The following OR4F15 variants were observed in gnomAD, a reference collection of about 807,000 sequenced individuals.
OR4F15 encodes olfactory receptor 4F15.
In OR4F15, 7 loss-of-function variants were observed where a neutral mutation model predicts 11.9. The ratio of observed to expected loss-of-function variants is 0.59; its 90% CI spans 0.33 to 1.10. OR4F15 has a LOEUF of 1.10. OR4F15 is among the 50% of genes least tolerant of loss of function. The probability of loss-of-function intolerance (pLI) is 0.03; values close to 1 mark genes in which losing one functional copy is unlikely to be tolerated. For missense variants in OR4F15, 445 were observed against 377.5 expected (o/e 1.18, Z -1.48); for synonymous variants, 151 against 134.6 (o/e 1.12, Z -0.84).
Position 101,818,248 on chromosome 15 carries a change from G to A in OR4F15, c.62G>A (p.Arg21Gln), listed in dbSNP as rs142759394. 4.0e-3 allele frequency: 6,382 copies of A among 1,613,838 alleles called. 29 individuals are homozygous for A. The highest frequency in any genetic ancestry group is 0.029 in the Middle Eastern group (177 of 6,054). ...GTATTCATGGGACTCACCAACTCAC[G>A]GGAGATTCAGCTTCTACTTTTTGTT... ...EFVFMGLTNS[R>Q]EIQLLLFVFS... is the part of the protein sequence containing the mutation. The change falls in exon 2 of 2, where the codon CGG becomes CAG. Residue 21 changes from arginine (R) to glutamine (Q), a missense_variant. By Grantham distance (43) the Arg-to-Gln change is conservative. Transcript: ENST00000332238.
rs1903025466 is a variant in OR4F15, at chr15:101,818,211, G to T, written c.25G>T (p.Val9Leu). The change falls in exon 2 of 2, where the codon GTA becomes TTA. Residue 9 changes from valine (V) to leucine (L), a missense_variant. Physicochemically the swap from Val to Leu is conservative, Grantham distance 32. Transcript: ENST00000332238. ...AATGAATGGAATGAATCACTCTGTG[G>T]TATCAGAATTTGTATTCATGGGACT... MNGMNHSV[V>L]SEFVFMGLTN... is the part of the protein sequence containing the mutation. 6.2e-7 allele frequency: 1 copy of T among 1,611,708 alleles called. No homozygotes were observed. The highest frequency in any genetic ancestry group is 1.3e-5 in the African/African-American group (1 of 74,944).
Position 101,818,616 on chromosome 15 carries a change from T to A in OR4F15, c.430T>A (p.Phe144Ile). The A allele has an allele frequency of 6.2e-7, 1 of 1,614,140 alleles. No homozygotes were observed. The highest frequency in any genetic ancestry group is 8.5e-7 in the Non-Finnish European group (1 of 1,179,990). ...TIMSPRMCLY[F>I]LATSSIIGLI... Reference sequence around the variant, plus strand: ...CATGAGCCCAAGAATGTGTCTATACTTTTTAGCCACTTCCTCTATCATTGG... The same window carrying A: ...CATGAGCCCAAGAATGTGTCTATACATTTTAGCCACTTCCTCTATCATTGG... The change falls in exon 2 of 2, where the codon TTT (phenylalanine) becomes ATT (isoleucine). Residue 144 changes from phenylalanine to isoleucine, a missense_variant. Physicochemically the swap from Phe to Ile is conservative, Grantham distance 21. Coordinates refer to ENST00000332238, the MANE Select transcript of OR4F15 (RefSeq NM_001001674.2).
rs1187820530 is a variant in OR4F15 at position 101,818,579 on chromosome 15, C to G, written c.393C>G (p.His131Gln). Residue 131 changes from histidine (H) to glutamine (Q), a missense_variant, in exon 2 of 2, where the codon CAC (histidine) becomes CAG (glutamine). Physicochemically the swap from His to Gln is conservative, Grantham distance 24. Coordinates refer to ENST00000332238, the MANE Select transcript of OR4F15 (RefSeq NM_001001674.2). The part of the protein sequence containing the change: ...DRYMAICKPL[H>Q]YLTIMSPRMC... ...ACATGGCCATATGTAAACCTCTCCA[C>G]TACCTGACCATCATGAGCCCAAGAA... The G allele has an allele frequency of 6.2e-6, 10 of 1,614,216 alleles. No individual in the cohort carries two copies. Among genetic ancestry groups the G allele is most frequent in the Non-Finnish European group, 6.8e-6 (8 of 1,180,036 alleles).
chr15:101,815,342 A>G (rs746713022), intron 1 of OR4F15, among the ~76,000 whole-genome samples: 3 of 152,156 alleles, frequency 2.0e-5, no homozygotes, highest in Non-Finnish European at 4.4e-5. Context: ...TCTCCCCAGC[A>G]TTGTTTTTGA....
rs1289724133 is a variant in OR4F15, at chr15:101,818,273, T to C, written c.87T>C (p.Val29=). Residue 29 remains valine (V), a synonymous_variant, in exon 2 of 2, where the codon GTT becomes GTC. Transcript: ENST00000332238. ...GGGAGATTCAGCTTCTACTTTTTGT[T>C]TTCTCTTTGTTGTTCTACTTTGCGA... The part of the protein sequence containing the change: ...NSREIQLLLF[V]FSLLFYFASM... 1 of 1,613,982 alleles carries C rather than the reference T, an allele frequency of 6.2e-7. No homozygotes were observed.
chr15:101,815,780 G>A (rs1041194124), intron 1 of OR4F15, among the ~76,000 whole-genome samples: 3 of 152,030 alleles, frequency 2.0e-5, no homozygotes, highest in Non-Finnish European at 4.4e-5. Context: ...AAAATCATTC[G>A]GAGAACCACT....
chr15:101,814,596 C>T (rs1902958765), intron 1 of OR4F15, among the ~76,000 whole-genome samples: 1 of 152,174 alleles, frequency 6.6e-6, no homozygotes, highest in Admixed American at 6.6e-5. Flanking sequence ...TGCACATCTA[C>T]ACAAACTCCT....
In OR4F15 at chr15:101,813,508, CAAAA is replaced by C. The variant is rs11311342; in HGVS notation, c.-38+1251_-38+1254del. The stretch of plus-strand genomic sequence containing the variant: ...TGGGTGACAGAGTGAGAATCTGTCT[CAAAA>C]AAAAAAAAAAAAAATGCATGATACC... On this transcript the variant is annotated intron_variant, in intron 1 of 1. Coordinates refer to ENST00000332238, the MANE Select transcript of OR4F15 (RefSeq NM_001001674.2). Among the ~76,000 whole-genome samples the C allele has an allele frequency of 4.5e-3, 485 of 107,326 alleles. 1 individual carries two copies. Among genetic ancestry groups the C allele is most frequent in the African/African-American group, 0.017 (470 of 28,234 alleles). 70.4% of individuals were successfully genotyped at this position (107,326 alleles called of 152,430 possible). A position where few individuals can be genotyped will look rare whatever the true frequency, so the allele number is the denominator to read the frequency against.
chr15:101,816,487 CGTGTGTGTGTGT>C (rs35269954), intron 1 of OR4F15, among the ~76,000 whole-genome samples: 1 of 148,834 alleles, frequency 6.7e-6, no homozygotes, highest in Non-Finnish European at 1.5e-5. Context: ...AAGAATATAA[CGTGTGTGTGTGT>C]GTGTGTGTGT....
In OR4F15 at chr15:101,818,700, A is replaced by G; in HGVS notation, c.514A>G (p.Asn172Asp). 1 of 1,614,064 alleles carries G rather than the reference A, an allele frequency of 6.2e-7. No individual in the cohort carries two copies. Among genetic ancestry groups the G allele is most frequent in the Admixed American group, 1.7e-5 (1 of 60,000 alleles). Residue 172 changes from asparagine (N) to aspartate (D), a missense_variant, in exon 2 of 2, where the codon AAT (asparagine) becomes GAT (aspartate). By Grantham distance (23) the Asn-to-Asp change is conservative. Transcript: ENST00000332238. The part of the protein sequence containing the change: ...FVVDLPFCGP[N>D]IFDSFYCDLP... ...GGTAGATTTACCTTTTTGTGGTCCT[A>G]ATATCTTTGACAGTTTTTACTGTGA...
At position 101,819,992 on chromosome 15, in the gene OR4F15, C is replaced by T. The variant is rs1027900142; in HGVS notation, c.*867C>T. On this transcript the variant is annotated 3_prime_UTR_variant, in exon 2 of 2. Coordinates refer to ENST00000332238, the MANE Select transcript of OR4F15 (RefSeq NM_001001674.2). Reference sequence around the variant, plus strand: ...AGTTAGAGTGGATTACCAACACCATCTGTTCCAATCCCCTCAAATTACACG... The same window carrying T: ...AGTTAGAGTGGATTACCAACACCATTTGTTCCAATCCCCTCAAATTACACG... The T allele has an allele frequency of 6.6e-6, 1 of 152,216 alleles. No homozygotes were observed. The highest frequency in any genetic ancestry group is 1.5e-5 in the Non-Finnish European group (1 of 68,038). 9.4% of individuals were successfully genotyped at this position (152,216 alleles called of 1,614,324 possible).
In OR4F15 at chr15:101,818,330, T is replaced by C. The variant is rs1212649654; in HGVS notation, c.144T>C (p.Thr48=). 1 of 1,614,028 alleles carries C rather than the reference T, an allele frequency of 6.2e-7. No homozygotes were observed. Among genetic ancestry groups the C allele is most frequent in the African/African-American group, 1.3e-5 (1 of 74,942 alleles). The part of the protein sequence containing the change: ...SMMGNLVIVF[T]VTMDAHLHSP... ...TGGGAAACCTTGTCATTGTATTCAC[T>C]GTAACCATGGATGCTCATCTGCACT... The change falls in exon 2 of 2, where the codon ACT becomes ACC. Residue 48 remains threonine (T), a synonymous_variant. Coordinates refer to ENST00000332238, the MANE Select transcript of OR4F15 (RefSeq NM_001001674.2).
At position 101,818,899 on chromosome 15, in the gene OR4F15, C is replaced by G; in HGVS notation, c.713C>G (p.Ser238Cys). 1 of 1,614,146 alleles carries G rather than the reference C, an allele frequency of 6.2e-7. No individual in the cohort carries two copies. The highest frequency in any genetic ancestry group is 8.5e-7 in the Non-Finnish European group (1 of 1,180,012). ...HSSGGLAKALSTLSAHVTVVI... is the reference protein window; with the variant it reads ...HSSGGLAKALCTLSAHVTVVI... ...TCTGGTGGTCTAGCCAAGGCCCTCT[C>G]TACCCTGTCAGCTCATGTCACTGTG... Residue 238 changes from serine (S) to cysteine (C), a missense_variant, in exon 2 of 2, where the codon TCT (serine) becomes TGT (cysteine). Transcript: ENST00000332238.
rs201467448 is a variant in OR4F15 at position 101,818,394 on chromosome 15, G to A, written c.208G>A (p.Asp70Asn). The A allele has an allele frequency of 2.1e-5, 34 of 1,614,056 alleles. No individual in the cohort carries two copies. In the East Asian group the frequency reaches 7.1e-4, roughly 34 times the overall value. ...CCTCCTGGCTAACCTCTCAATCATTGATATGGCATTTTGCTCAATTACAGC... is the reference window on the plus strand; with the variant it reads ...CCTCCTGGCTAACCTCTCAATCATTAATATGGCATTTTGCTCAATTACAGC... Reference protein sequence around the residue: ...YFLLANLSIIDMAFCSITAPK... With the variant: ...YFLLANLSIINMAFCSITAPK... Residue 70 changes from aspartate to asparagine, a missense_variant, in exon 2 of 2, where the codon GAT becomes AAT. Coordinates refer to ENST00000332238, the MANE Select transcript of OR4F15 (RefSeq NM_001001674.2).
intron 1 of OR4F15, among the ~76,000 whole-genome samples, chr15:101,815,227 A>G (rs1441474984): frequency 2.0e-5 from 3 of 152,156 alleles, no homozygotes; most frequent in African/African-American, 7.2e-5. Context: ...AACATAATGT[A>G]TATATTTTCA....
chr15:101,819,329 C>A lies in OR4F15; in HGVS notation c.*204C>A, dbSNP rs1003336961. 9.9e-5 allele frequency: 51 copies of A among 517,164 alleles called. No homozygotes were observed. The East Asian group carries it at 1.5e-3, about 16-fold the overall frequency. 32.0% of individuals were successfully genotyped at this position (517,164 alleles called of 1,614,324 possible). On this transcript the variant is annotated 3_prime_UTR_variant, in exon 2 of 2. Transcript: ENST00000332238. ...TGCATCAAAGTGCTAAATATTAAAT[C>A]TTAATGTCTTTTGTAACCTACCACT...
chr15:101,819,141 A>C lies in OR4F15; in HGVS notation c.*16A>C, dbSNP rs768154091. 10 of 1,536,228 alleles carry C rather than the reference A, an allele frequency of 6.5e-6. No homozygotes were observed. The highest frequency in any genetic ancestry group is 8.0e-6 in the Non-Finnish European group (9 of 1,127,722). ...GATTTTGTAAATGGCTTGGCTGTCA[A>C]GATGTGTAACTATGGATTACTCCTC... On this transcript the variant is annotated 3_prime_UTR_variant, in exon 2 of 2. Coordinates refer to ENST00000332238, the MANE Select transcript of OR4F15 (RefSeq NM_001001674.2).
In OR4F15 at chr15:101,818,519, G is replaced by C. The variant is rs1194996929; in HGVS notation, c.333G>C (p.Glu111Asp). 2.5e-6 allele frequency: 4 copies of C among 1,614,132 alleles called. No individual in the cohort carries two copies. Among genetic ancestry groups the C allele is most frequent in the Non-Finnish European group, 3.4e-6 (4 of 1,180,002 alleles). ...TTAGCCATGCTCTTGGGGGCACTGAGATGGTGCTGCTCATAGCCATGGCCT... is the reference window on the plus strand; with the variant it reads ...TTAGCCATGCTCTTGGGGGCACTGACATGGTGCTGCTCATAGCCATGGCCT... ...IFFSHALGGT[E>D]MVLLIAMAFD... The change falls in exon 2 of 2, where the codon GAG becomes GAC. Residue 111 changes from glutamate to aspartate, a missense_variant. Glu to Asp is a conservative substitution (Grantham distance 45). Coordinates refer to ENST00000332238, the MANE Select transcript of OR4F15 (RefSeq NM_001001674.2).
At position 101,819,258 on chromosome 15, in the gene OR4F15, C is replaced by T. The variant is rs1282893263; in HGVS notation, c.*133C>T. 1 of 618,554 alleles carries T rather than the reference C, an allele frequency of 1.6e-6. No individual in the cohort carries two copies. The highest frequency in any genetic ancestry group is 2.8e-6 in the Non-Finnish European group (1 of 356,342). The allele number at this position is 618,554 out of a possible 1,614,324, so 38.3% of individuals were successfully genotyped here. A position where few individuals can be genotyped will look rare whatever the true frequency, so the allele number is the denominator to read the frequency against. ...CTGAAAATTTATGAAATCATGGTAA[C>T]AATTTCACCATTAAATTAGAAGTGA... On this transcript the variant is annotated 3_prime_UTR_variant, in exon 2 of 2. Transcript: ENST00000332238.
Sources: gnomAD v4.1 joint callset for allele counts (sites outside exome capture counted in the v4.1 genomes callset) on GRCh38, gnomAD v4.1.1 for gene constraint, MANE v1.5 for transcripts, NCBI Gene and HGNC (gene_info 2026-07-23, HGNC 2026-07-21) for gene names.